The following CLINT1 variants were observed in gnomAD, a reference collection of about 807,000 sequenced individuals.
The protein encoded by CLINT1 is clathrin interactor 1.
A neutral mutation model predicts 70.4 loss-of-function variants in CLINT1; 15 were observed. That is an observed-to-expected ratio of 0.21 (90% confidence interval 0.14 to 0.33). The LOEUF (loss-of-function observed/expected upper bound fraction) is 0.33. Ranked by LOEUF, CLINT1 falls within the 10% of genes least tolerant of loss-of-function variation. The pLI is 1.00. For synonymous variants in CLINT1, 227 were observed against 254.7 expected (o/e 0.89, Z 1.04); for missense variants, 615 against 778.1 (o/e 0.79, Z 2.49).
chr5:157,856,581 A>AT (rs1208242979), intron 1 of CLINT1, among the ~76,000 whole-genome samples: 1 of 152,238 alleles, frequency 6.6e-6, no homozygotes, highest in Non-Finnish European at 1.5e-5. Flanking sequence ...TTATGGCATT[A>AT]TAAGGTGCAC....
At chr5:157,805,013 C>A (rs1402534577) in intron 7 of CLINT1, among the ~76,000 whole-genome samples, 1 of 152,096 alleles carries the variant, frequency 6.6e-6, no homozygotes, top group Non-Finnish European at 1.5e-5. Context: ...GGCTATACTA[C>A]AAACTGTTAT....
Position 157,846,653 on chromosome 5 carries a change from C to T in CLINT1, c.41+12277G>A, listed in dbSNP as rs189918982. On this transcript the variant is annotated intron_variant, in intron 1 of 11. Transcript: ENST00000411809. ...AAACAGATTTTCAATGGAGATGAAA[C>T]GGCCTTCCAGTGGAAGATGCCATCT... Among the ~76,000 whole-genome samples, 26 of 152,296 alleles carry T rather than the reference C, an allele frequency of 1.7e-4. No homozygotes were observed. In the East Asian group the frequency reaches 3.7e-3, roughly 21 times the overall value.
At chr5:157,813,735 C>G (rs1053649413) in intron 4 of CLINT1, among the ~76,000 whole-genome samples, 3 of 152,156 alleles carry the variant, frequency 2.0e-5, no homozygotes, top group Non-Finnish European at 4.4e-5. Flanking sequence ...GGGTACGCTA[C>G]AAAATGAAAT....
intron 11 of CLINT1, among the ~76,000 whole-genome samples, chr5:157,788,460 A>C (rs1385854890): frequency 6.6e-6 from 1 of 152,214 alleles, no homozygotes; most frequent in Non-Finnish European, 1.5e-5. Flanking sequence ...AAAAAACAGA[A>C]GTATGAAGAT....
chr5:157,796,158 T>C (rs1225305197), intron 8 of CLINT1: 3 of 152,222 alleles, frequency 2.0e-5, no homozygotes, highest in Admixed American at 2.0e-4. Flanking sequence ...AATACTTGTA[T>C]TTTGTATTTT....
At chr5:157,857,658 T>C (rs1467863242) in intron 1 of CLINT1, among the ~76,000 whole-genome samples, 2 of 152,238 alleles carry the variant, frequency 1.3e-5, no homozygotes, top group Non-Finnish European at 2.9e-5. Context: ...ATTTTCATTT[T>C]GTACCAGAGA....
At chr5:157,843,430 A>G (rs1309331360) in intron 1 of CLINT1, among the ~76,000 whole-genome samples, 1 of 152,200 alleles carries the variant, frequency 6.6e-6, no homozygotes, top group Non-Finnish European at 1.5e-5. Context: ...GAATAAGAAT[A>G]AAGTTTGCAT....
intron 10 of CLINT1, 72 bp from the exon 11 acceptor site, chr5:157,789,585 G>T: frequency 1.2e-6 from 2 of 1,602,880 alleles, no homozygotes; most frequent in Non-Finnish European, 1.7e-6. Context: ...ATAGAAAAAT[G>T]CTCTAAAAAT....
intron 1 of CLINT1, among the ~76,000 whole-genome samples, chr5:157,831,988 G>A (rs1403157357): frequency 2.0e-5 from 3 of 151,596 alleles, no homozygotes; most frequent in African/African-American, 7.3e-5. Flanking sequence ...GAGCCAGTGC[G>A]CCAGGCCACT....
At chr5:157,793,943 A>T (rs1761991956) in intron 9 of CLINT1, among the ~76,000 whole-genome samples, 1 of 152,184 alleles carries the variant, frequency 6.6e-6, no homozygotes, top group Admixed American at 6.5e-5. Context: ...GTCAAATTAC[A>T]TCTTTTCTCC....
chr5:157,817,584 G>T (rs777299480), intron 1 of CLINT1, 37 bp from the exon 2 acceptor site: 2 of 1,325,668 alleles, frequency 1.5e-6, no homozygotes, highest in East Asian at 2.5e-5. Context: ...CATGCACAAA[G>T]ATTAGCATCA....
intron 1 of CLINT1, among the ~76,000 whole-genome samples, chr5:157,830,313 G>C (rs936070179): frequency 6.6e-6 from 1 of 151,822 alleles, no homozygotes; most frequent in African/African-American, 2.4e-5. Context: ...TCTTGTTTTT[G>C]GTATCTGTTA....
chr5:157,857,008 T>G (rs932608981), intron 1 of CLINT1, among the ~76,000 whole-genome samples: 2 of 152,164 alleles, frequency 1.3e-5, no homozygotes, highest in African/African-American at 4.8e-5. Flanking sequence ...CTCTTCAAAT[T>G]TTTGAGTACC....
intron 1 of CLINT1, among the ~76,000 whole-genome samples, chr5:157,830,700 A>C (rs1581522045): frequency 7.1e-6 from 1 of 141,736 alleles, no homozygotes; most frequent in Non-Finnish European, 1.5e-5. Context: ...ATATAGAGAG[A>C]CCTTGTCTCT....
intron 1 of CLINT1, among the ~76,000 whole-genome samples, chr5:157,824,936 G>T (rs1762990038): frequency 6.6e-6 from 1 of 152,016 alleles, no homozygotes; most frequent in Non-Finnish European, 1.5e-5. Context: ...TATTTAAAAA[G>T]ATATATTCTC....
At position 157,791,754 on chromosome 5, in the gene CLINT1, A is replaced by G. The variant is rs1232419082; in HGVS notation, c.1329T>C (p.Ser443=). The G allele has an allele frequency of 6.2e-7, 1 of 1,613,918 alleles. No individual in the cohort carries two copies. Among genetic ancestry groups the G allele is most frequent in the Non-Finnish European group, 8.5e-7 (1 of 1,179,890 alleles). Residue 443 remains serine (S), a synonymous_variant, in exon 10 of 12, where the codon TCT becomes TCC. Transcript: ENST00000411809. ...GTCCCACAGTGTTAGTGCTCATCATAGAGAAATTCATACTCTGGGAAGATG... is the reference window on the plus strand; with the variant it reads ...GTCCCACAGTGTTAGTGCTCATCATGGAGAAATTCATACTCTGGGAAGATG... ...TMTSSQSMNF[S]MMSTNTVGLG... is the part of the protein sequence containing the mutation.
At chr5:157,788,306 T>C in intron 11 of CLINT1, among the ~76,000 whole-genome samples, 1 of 152,280 alleles carries the variant, frequency 6.6e-6, no homozygotes, top group East Asian at 1.9e-4. Flanking sequence ...CTAGTGTGTA[T>C]AAAAAATCTT....
In CLINT1 at chr5:157,819,697, G is replaced by A. The variant is rs1762824327; in HGVS notation, c.42-2150C>T. On this transcript the variant is annotated intron_variant, in intron 1 of 11. Transcript: ENST00000411809. ...AATGCAGCTGTGAAAATGAACAATAGCAATTAGGATTATAATTCACCCAAG... is the reference window on the plus strand; with the variant it reads ...AATGCAGCTGTGAAAATGAACAATAACAATTAGGATTATAATTCACCCAAG... Among the ~76,000 whole-genome samples the A allele has an allele frequency of 2.6e-5, 4 of 152,158 alleles. No individual in the cohort carries two copies. The South Asian group carries it at 8.3e-4, about 31-fold the overall frequency.
In CLINT1 at chr5:157,794,965, TG is replaced by T; in HGVS notation, c.1019del (p.Ser340Ter). Reference sequence around the variant, plus strand: ...CAGCAAATCCTCCGAATAAATCAGCTGATCCTCCTAGAAGTTAAGAAAAAGT... The same window carrying T: ...CAGCAAATCCTCCGAATAAATCAGCTATCCTCCTAGAAGTTAAGAAAAAGT... ...FDGTSQSTGG[S>X]ADLFGGFADF... On this transcript the variant is annotated frameshift_variant, in exon 9 of 12. Coordinates refer to ENST00000411809, the MANE Select transcript of CLINT1 (RefSeq NM_014666.4). LOFTEE classifies it high-confidence loss of function. The T allele has an allele frequency of 6.4e-7, 1 of 1,553,174 alleles. No homozygotes were observed. The highest frequency in any genetic ancestry group is 8.7e-7 in the Non-Finnish European group (1 of 1,147,572).
Sources: gnomAD v4.1 joint callset for allele counts (sites outside exome capture counted in the v4.1 genomes callset) on GRCh38, gnomAD v4.1.1 for gene constraint, MANE v1.5 for transcripts, NCBI Gene and HGNC (gene_info 2026-07-23, HGNC 2026-07-21) for gene names.